The following LRIG2 variants were observed in gnomAD, a reference collection of about 807,000 sequenced individuals.
LRIG2 encodes the protein leucine rich repeats and immunoglobulin like domains 2.
In LRIG2, 93 loss-of-function variants were observed where a neutral mutation model predicts 107.8. The ratio of observed to expected loss-of-function variants is 0.86; its 90% CI spans 0.73 to 1.03. The LOEUF (loss-of-function observed/expected upper bound fraction) is 1.03. LRIG2 is among the 50% of genes least tolerant of loss of function. The probability of loss-of-function intolerance (pLI) is 0.00; values close to 1 mark genes in which losing one functional copy is unlikely to be tolerated. For missense variants in LRIG2, 1,226 were observed against 1,296.0 expected (o/e 0.95, Z 0.83); for synonymous variants, 471 against 470.6 (o/e 1.00, Z -0.01).
chr1:113,093,231 G>A lies in LRIG2; in HGVS notation c.331G>A (p.Glu111Lys). The A allele has an allele frequency of 3.8e-6, 6 of 1,598,076 alleles. No homozygotes were observed. Among genetic ancestry groups the A allele is most frequent in the Non-Finnish European group, 5.1e-6 (6 of 1,171,262 alleles). Residue 111 changes from glutamate to lysine, a missense_variant, in exon 3 of 18, where the codon GAA becomes AAA. By Grantham distance (56) the Glu-to-Lys change is moderately conservative (BLOSUM62 1). Transcript: ENST00000361127. ...GAAAATGAATTACAATGAACTAACA[G>A]AAATCCCGTATTTTGGAGAACCTAC... is the stretch of plus-strand genomic sequence containing the variant. The part of the protein sequence containing the change: ...EVKMNYNELT[E>K]IPYFGEPTSN...
intron 1 of LRIG2, among the ~76,000 whole-genome samples, chr1:113,076,196 G>A (rs1652977028): frequency 1.3e-5 from 2 of 151,760 alleles, no homozygotes; most frequent in Non-Finnish European, 1.5e-5. Flanking sequence ...AGTAGAGACG[G>A]GGTTTCACCA....
intron 1 of LRIG2, among the ~76,000 whole-genome samples, chr1:113,084,392 T>C (rs1262418338): frequency 6.6e-6 from 1 of 151,942 alleles, no homozygotes; most frequent in Non-Finnish European, 1.5e-5. Context: ...ATTTTTTATA[T>C]TTTTAGTAGA....
At chr1:113,079,407 C>T (rs1041932950) in intron 1 of LRIG2, among the ~76,000 whole-genome samples, 8 of 150,274 alleles carry the variant, frequency 5.3e-5, no homozygotes, top group Non-Finnish European at 8.9e-5. Context: ...TACAGATGGC[C>T]GGGCACAGTG....
chr1:113,088,242 A>G (rs974797971), intron 1 of LRIG2, among the ~76,000 whole-genome samples: 3 of 152,188 alleles, frequency 2.0e-5, no homozygotes, highest in Non-Finnish European at 2.9e-5. Context: ...CCTTTCAACA[A>G]CATTTTCCGG....
chr1:113,131,253 C>T lies in LRIG2; in HGVS notation c.*7152C>T, dbSNP rs1187945506. On this transcript the variant is annotated 3_prime_UTR_variant, in exon 18 of 18. Transcript: ENST00000361127. Reference sequence around the variant, plus strand: ...CCCAGCCCTCTTGATAATTTTTATTCTTGTTTCTTCTTATCTGTGGGACTC... The same window carrying T: ...CCCAGCCCTCTTGATAATTTTTATTTTTGTTTCTTCTTATCTGTGGGACTC... 1 of 152,140 alleles carries T rather than the reference C, an allele frequency of 6.6e-6. No homozygotes were observed. The highest frequency in any genetic ancestry group is 2.4e-5 in the African/African-American group (1 of 41,442). The allele number at this position is 152,140 out of a possible 1,614,324, so 9.4% of individuals were successfully genotyped here. A position where few individuals can be genotyped will look rare whatever the true frequency, so the allele number is the denominator to read the frequency against.
Position 113,095,915 on chromosome 1 carries a change from G to A in LRIG2, c.845G>A (p.Trp282Ter). The change falls in exon 7 of 18, where the codon TGG becomes TAG. Residue 282 changes from tryptophan (W) to a stop codon, truncating the protein, a stop_gained. Coordinates refer to ENST00000361127, the MANE Select transcript of LRIG2 (RefSeq NM_014813.3). LOFTEE classifies it high-confidence loss of function. ...HNNLTRVNKG[W>*]LYGLRMLQQL... is the part of the protein sequence containing the mutation. ...AACCTTACACGAGTAAACAAGGGGT[G>A]GTTGTATGGCTTGCGAATGTTACAG... 3 of 1,614,208 alleles carry A rather than the reference G, an allele frequency of 1.9e-6. No individual in the cohort carries two copies. Among genetic ancestry groups the A allele is most frequent in the Non-Finnish European group, 2.5e-6 (3 of 1,180,030 alleles).
chr1:113,113,047 C>G (rs1035623463), intron 14 of LRIG2, among the ~76,000 whole-genome samples: 1 of 152,010 alleles, frequency 6.6e-6, no homozygotes, highest in Non-Finnish European at 1.5e-5. Context: ...TGTAAGGTTT[C>G]TGTTTCATGT....
chr1:113,114,825 GTTA>G lies in LRIG2; in HGVS notation c.2482_2484del (p.Ile828del). 1 of 1,613,784 alleles carries G rather than the reference GTTA, an allele frequency of 6.2e-7. No homozygotes were observed. Among genetic ancestry groups the G allele is most frequent in the Non-Finnish European group, 8.5e-7 (1 of 1,180,010 alleles). ...TGGCACTTCTTTGATCTGGGTCATTGTTATTTACCACATGAGAAGGAAAAATGA... is the reference window on the plus strand; with the variant it reads ...TGGCACTTCTTTGATCTGGGTCATTGTTTACCACATGAGAAGGAAAAATGA... On this transcript the variant is annotated inframe_deletion, in exon 15 of 18. Coordinates refer to ENST00000361127, the MANE Select transcript of LRIG2 (RefSeq NM_014813.3).
rs183155677 is a variant in LRIG2 at position 113,123,660 on chromosome 1, C to T, written c.2972-215C>T. On this transcript the variant is annotated intron_variant, in intron 17 of 17. Transcript: ENST00000361127. ...GACAGTAGACGATATATAGTATGATCTCAGTAAATAATTGGTTAGGTTTGT... is the reference window on the plus strand; with the variant it reads ...GACAGTAGACGATATATAGTATGATTTCAGTAAATAATTGGTTAGGTTTGT... Among the ~76,000 whole-genome samples, 133 of 150,072 alleles carry T rather than the reference C, an allele frequency of 8.9e-4. 1 individual carries two copies. The East Asian group carries it at 0.022, about 25-fold the overall frequency.
In LRIG2 at chr1:113,127,381, C is replaced by CTTTTTTTTTTTTT. The variant is rs33992650; in HGVS notation, c.*3289_*3301dup. On this transcript the variant is annotated 3_prime_UTR_variant, in exon 18 of 18. Transcript: ENST00000361127. The stretch of plus-strand genomic sequence containing the variant: ...ATTACAGGCACACCACCATTTCCAG[C>CTTTTTTTTTTTTT]TTTTTTTTTTTTTTTTTTTTTGATA... 9.8e-6 allele frequency: 1 copy of CTTTTTTTTTTTTT among 102,246 alleles called. No individual in the cohort carries two copies. The highest frequency in any genetic ancestry group is 3.7e-5 in the African/African-American group (1 of 27,208). 6.3% of individuals were successfully genotyped at this position (102,246 alleles called of 1,614,324 possible).
At chr1:113,100,050 T>A (rs1470827136) in intron 9 of LRIG2, among the ~76,000 whole-genome samples, 161 bp from the exon 10 acceptor site, 2 of 152,214 alleles carry the variant, frequency 1.3e-5, no homozygotes, top group Non-Finnish European at 2.9e-5. Flanking sequence ...TTGTACACAT[T>A]AAATATGTGT....
In LRIG2 at chr1:113,125,254, T is replaced by TAAAC. The variant is rs1655441264; in HGVS notation, c.*1155_*1158dup. On this transcript the variant is annotated 3_prime_UTR_variant, in exon 18 of 18. Transcript: ENST00000361127. Reference sequence around the variant, plus strand: ...CAGCTACTTAGTGATTGTATACACATAAACACAGTCTTGGTGTAATTAACC... The same window carrying TAAAC: ...CAGCTACTTAGTGATTGTATACACATAAACAAACACAGTCTTGGTGTAATTAACC... 1 of 152,214 alleles carries TAAAC rather than the reference T, an allele frequency of 6.6e-6. No individual in the cohort carries two copies. Among genetic ancestry groups the TAAAC allele is most frequent in the South Asian group, 2.1e-4 (1 of 4,832 alleles). The allele number at this position is 152,214 out of a possible 1,614,324, so 9.4% of individuals were successfully genotyped here.
Position 113,094,755 on chromosome 1 carries a change from T to C in LRIG2, c.803T>C (p.Leu268Pro). The change falls in exon 6 of 18, where the codon CTA (leucine) becomes CCA (proline). Residue 268 changes from leucine to proline, a missense_variant and splice_region_variant. By Grantham distance (98) the Leu-to-Pro change is moderately conservative. Transcript: ENST00000361127. ...AFFGLNNMEE[L>P]ELEHNNLTRV... ...TTTGGCTTGAATAACATGGAAGAAC[T>C]GTAAGTACTCGGGACTAGAGGTGAT... 1.9e-6 allele frequency: 3 copies of C among 1,613,492 alleles called. No individual in the cohort carries two copies. The highest frequency in any genetic ancestry group is 2.5e-6 in the Non-Finnish European group (3 of 1,179,708).
intron 2 of LRIG2, among the ~76,000 whole-genome samples, chr1:113,092,560 G>A (rs548702726): frequency 4.4e-5 from 1 of 22,508 alleles, no homozygotes; most frequent in African/African-American, 5.6e-5. Flanking sequence ...GACTGATTAT[G>A]CCTTCTTTAA....
chr1:113,073,424 A>G lies in LRIG2; in HGVS notation c.18A>G (p.Leu6=), dbSNP rs1652792437. MAPAP[L]GVPEEQLLGC... ...GGGGGAAAATGGCGCCGGCGCCCCT[A>G]GGCGTCCCGGAGGAGCAGTTGCTGG... is the stretch of plus-strand genomic sequence containing the variant. The change falls in exon 1 of 18, where the codon CTA becomes CTG. Residue 6 remains leucine (L), a synonymous_variant. Transcript: ENST00000361127. The G allele has an allele frequency of 1.9e-6, 3 of 1,613,594 alleles. No individual in the cohort carries two copies. The highest frequency in any genetic ancestry group is 3.3e-5 in the Admixed American group (2 of 59,986).
intron 1 of LRIG2, among the ~76,000 whole-genome samples, chr1:113,082,280 A>G (rs2101019417): frequency 6.6e-6 from 1 of 152,344 alleles, no homozygotes; most frequent in East Asian, 1.9e-4. Context: ...TTTATAAGAT[A>G]TCTGAACAAG....
chr1:113,108,304 A>G (rs1390833519), intron 12 of LRIG2, among the ~76,000 whole-genome samples: 1 of 150,314 alleles, frequency 6.7e-6, no homozygotes, highest in Non-Finnish European at 1.5e-5. Flanking sequence ...GCTCACTGCA[A>G]CCTCTGCCTC....
chr1:113,091,181 C>T (rs1653804835), intron 1 of LRIG2, 137 bp from the exon 2 acceptor site: 1 of 503,756 alleles, frequency 2.0e-6, no homozygotes, highest in Admixed American at 3.9e-5. Context: ...GCCTCAGCCT[C>T]CCCAAGTGCC....
rs1653988200 is a variant in LRIG2, at chr1:113,094,980, A to ATG, written c.803+226_803+227insGT. Among the ~76,000 whole-genome samples, 17 of 67,456 alleles carry ATG rather than the reference A, an allele frequency of 2.5e-4. No homozygotes were observed. The South Asian group carries it at 0.015, about 59-fold the overall frequency. The allele number at this position is 67,456 out of a possible 152,430, so 44.3% of individuals were successfully genotyped here. A position where few individuals can be genotyped will look rare whatever the true frequency, so the allele number is the denominator to read the frequency against. On this transcript the variant is annotated intron_variant, in intron 6 of 17. Transcript: ENST00000361127. ...TCATCTAAAAAGTTTATATATATAT[A>ATG]TATATTTTTTTTGAGATGGAGTCTC...
Sources: allele counts gnomAD v4.1 joint callset (sites outside exome capture counted in the v4.1 genomes callset), GRCh38; gene constraint gnomAD v4.1.1; transcripts MANE v1.5; gene names NCBI Gene and HGNC (gene_info 2026-07-23, HGNC 2026-07-21).